Variants in NEGR1 observed in about 807,000 individuals in gnomAD.
The protein encoded by NEGR1 is IgLON family member 4.
Under a neutral mutation model 40.9 loss-of-function variants are expected in NEGR1, and 10 were observed. The ratio of observed to expected loss-of-function variants is 0.24; its 90% confidence interval spans 0.15 to 0.42. The LOEUF is 0.42. Among genes scored for constraint, NEGR1 ranks in the 10% least tolerant of loss-of-function variants. The probability of loss-of-function intolerance (pLI) is 1.00; values close to 1 mark genes in which losing one functional copy is unlikely to be tolerated. For missense variants in NEGR1, 352 were observed against 438.9 expected, an observed-to-expected ratio of 0.80 and a Z score of 1.77; for synonymous variants, 185 against 166.8, an observed-to-expected ratio of 1.11 and a Z score of -0.84.
chr1:72,093,284 C>A (rs1172369326), intron 1 of NEGR1, among the ~76,000 whole-genome samples: 2 of 142,952 alleles, frequency 1.4e-5, no homozygotes, highest in African/African-American at 2.7e-5. Context: ...TGAGCAAAGA[C>A]TGTGCCACTG....
Position 72,171,909 on chromosome 1 carries a change from T to C in NEGR1, c.176+110410A>G, listed in dbSNP as rs1187195203. On this transcript the variant is annotated intron_variant, in intron 1 of 6. Coordinates refer to ENST00000357731, the MANE Select transcript of NEGR1 (RefSeq NM_173808.3). ...TTTTTCTCAGGTCATTAAACAGTTG[T>C]TATGTTTGGGAACCCAGTATTTTCT... 2.0e-5 allele frequency among the ~76,000 whole-genome samples: 3 copies of C among 152,192 alleles called. 1 individual carries two copies. Among genetic ancestry groups the C allele is most frequent in the Admixed American group, 2.0e-4 (3 of 15,276 alleles).
chr1:71,765,999 C>A (rs986592482), intron 3 of NEGR1, among the ~76,000 whole-genome samples: 1 of 152,002 alleles, frequency 6.6e-6, no homozygotes, highest in African/African-American at 2.4e-5. Flanking sequence ...CATGGTGAAA[C>A]CCCGTCTCCA....
At chr1:71,506,249 T>C (rs537710918) in intron 6 of NEGR1, among the ~76,000 whole-genome samples, 4 of 152,304 alleles carry the variant, frequency 2.6e-5, no homozygotes, top group African/African-American at 9.6e-5. Flanking sequence ...CAGGCCCTCA[T>C]TGCAGCCCTG....
At chr1:71,719,386 A>G (rs1186794816) in intron 3 of NEGR1, among the ~76,000 whole-genome samples, 3 of 152,200 alleles carry the variant, frequency 2.0e-5, no homozygotes, top group African/African-American at 7.2e-5. Context: ...TATACAAAAA[A>G]ATTAATTGTC....
intron 1 of NEGR1, among the ~76,000 whole-genome samples, chr1:72,175,812 G>A (rs557184065): frequency 2.0e-5 from 3 of 151,938 alleles, no homozygotes; most frequent in Non-Finnish European, 4.4e-5. Context: ...TTCCACAAAC[G>A]GTTTCTTATG....
chr1:71,553,929 C>G (rs1030670644), intron 6 of NEGR1, among the ~76,000 whole-genome samples: 4 of 151,332 alleles, frequency 2.6e-5, no homozygotes, highest in African/African-American at 9.7e-5. Flanking sequence ...TAGAAAATAT[C>G]TTCATCATAG....
At chr1:71,917,795 A>C (rs1340001709) in intron 2 of NEGR1, among the ~76,000 whole-genome samples, 3 of 151,080 alleles carry the variant, frequency 2.0e-5, no homozygotes, top group Admixed American at 2.0e-4. Context: ...AAAAAAAAAA[A>C]AAAGTAAGTC....
intron 1 of NEGR1, among the ~76,000 whole-genome samples, chr1:72,203,005 C>T (rs768471359): frequency 3.3e-5 from 5 of 152,020 alleles, no homozygotes; most frequent in Non-Finnish European, 5.9e-5. Flanking sequence ...TGCTCAATGA[C>T]AATACACTTA....
At chr1:71,419,885 C>G (rs1646382358) in intron 6 of NEGR1, among the ~76,000 whole-genome samples, 1 of 150,456 alleles carries the variant, frequency 6.6e-6, no homozygotes, top group African/African-American at 2.4e-5. Flanking sequence ...GAATTCTGGT[C>G]CAAAGAAGAG....
chr1:72,123,959 A>G (rs1359102783), intron 1 of NEGR1, among the ~76,000 whole-genome samples: 3 of 152,032 alleles, frequency 2.0e-5, no homozygotes, highest in African/African-American at 7.2e-5. Context: ...AGCCACTTTA[A>G]GCAATAATGT....
At chr1:71,595,211 C>T (rs1435886242) in intron 5 of NEGR1, among the ~76,000 whole-genome samples, 1 of 152,202 alleles carries the variant, frequency 6.6e-6, no homozygotes, top group East Asian at 1.9e-4. Context: ...GCATCCTTAC[C>T]AGAGTGGAGC....
At chr1:71,729,834 T>TTTTTGG (rs1557630517) in intron 3 of NEGR1, among the ~76,000 whole-genome samples, 5 of 150,304 alleles carry the variant, frequency 3.3e-5, no homozygotes, top group South Asian at 4.2e-4. Flanking sequence ...TTTTGTTTTG[T>TTTTTGG]TTTTTGGTTT....
At chr1:72,036,589 GA>G (rs1158053283) in intron 1 of NEGR1, among the ~76,000 whole-genome samples, 1 of 151,158 alleles carries the variant, frequency 6.6e-6, no homozygotes, top group African/African-American at 2.4e-5. Context: ...CTGGGAGGCG[GA>G]GGTTGCAGTG....
intron 4 of NEGR1, among the ~76,000 whole-genome samples, chr1:71,690,309 T>C (rs1393723465): frequency 6.6e-6 from 1 of 152,016 alleles, no homozygotes; most frequent in Non-Finnish European, 1.5e-5. Flanking sequence ...ATTATCTTGC[T>C]TCACGTACTG....
intron 1 of NEGR1, among the ~76,000 whole-genome samples, chr1:72,106,194 T>C (rs1039610269): frequency 1.3e-5 from 2 of 152,112 alleles, no homozygotes; most frequent in African/African-American, 4.8e-5. Flanking sequence ...GACTCATTAC[T>C]TGTAAGCTGT....
chr1:72,030,217 T>C (rs989503507), intron 1 of NEGR1, among the ~76,000 whole-genome samples: 13 of 151,416 alleles, frequency 8.6e-5, no homozygotes, highest in Non-Finnish European at 1.8e-4. Flanking sequence ...CTTTTTGAGA[T>C]GGAGTCTTGC....
intron 2 of NEGR1, among the ~76,000 whole-genome samples, chr1:71,872,025 A>G (rs1383337523): frequency 6.6e-6 from 1 of 152,236 alleles, no homozygotes; most frequent in Non-Finnish European, 1.5e-5. Flanking sequence ...AATCTATAAA[A>G]TTTAGTACTC....
At chr1:71,421,465 T>C (rs150772527) in intron 6 of NEGR1, 6 of 152,090 alleles carry the variant, frequency 3.9e-5, no homozygotes, top group African/African-American at 7.2e-5. Context: ...TATTCCTGAA[T>C]AGCAAAGGTA....
intron 1 of NEGR1, among the ~76,000 whole-genome samples, chr1:72,207,683 C>T (rs77291771): frequency 0.02 from 3,015 of 151,710 alleles, 93 homozygotes; most frequent in African/African-American, 0.068. Context: ...GTTGGAAAAA[C>T]GTTGAGACAT....
Sources: gnomAD v4.1 joint callset for allele counts (sites outside exome capture counted in the v4.1 genomes callset) on GRCh38, gnomAD v4.1.1 for gene constraint, MANE v1.5 for transcripts, NCBI Gene and HGNC (gene_info 2026-07-23, HGNC 2026-07-21) for gene names.